The following CFAP20DC variants were observed in gnomAD, a reference collection of about 807,000 sequenced individuals.
CFAP20DC encodes the protein protein CFAP20DC.
A neutral mutation model predicts 101.7 loss-of-function variants in CFAP20DC; 84 were observed. The observed-to-expected ratio is 0.83, with a 90% CI of 0.69 to 0.99. The LOEUF (loss-of-function observed/expected upper bound fraction) is 0.99, where lower values mean the gene tolerates loss of function less well. Among genes scored for constraint, CFAP20DC ranks in the 50% least tolerant of loss-of-function variants. The probability of loss-of-function intolerance (pLI) is 0.00; values close to 1 mark genes in which losing one functional copy is unlikely to be tolerated. For synonymous variants in CFAP20DC, 359 were observed against 351.2 expected (o/e 1.02, Z -0.25); for missense variants, 1,007 against 970.3 (o/e 1.04, Z -0.50).
chr3:58,941,345 A>AAG (rs1553735872), intron 4 of CFAP20DC, among the ~76,000 whole-genome samples: 2 of 148,894 alleles, frequency 1.3e-5, no homozygotes, highest in African/African-American at 5.0e-5. Context: ...AAAAAAAAAA[A>AAG]AAAAAAAAAA....
intron 4 of CFAP20DC, among the ~76,000 whole-genome samples, chr3:58,946,979 G>C (rs529959847): frequency 6.6e-6 from 1 of 152,294 alleles, no homozygotes; most frequent in Non-Finnish European, 1.5e-5. Flanking sequence ...AATGTAGTGA[G>C]AGGCTCAGAG....
chr3:58,981,459 C>T (rs1373033999), intron 4 of CFAP20DC, among the ~76,000 whole-genome samples: 8 of 152,174 alleles, frequency 5.3e-5, no homozygotes, highest in African/African-American at 9.7e-5. Flanking sequence ...TCAAACTATA[C>T]TACAAGGCTA....
chr3:58,938,867 T>G (rs2107798996), intron 4 of CFAP20DC, among the ~76,000 whole-genome samples: 1 of 152,334 alleles, frequency 6.6e-6, no homozygotes, highest in East Asian at 1.9e-4. Context: ...AATTCCACCC[T>G]ACTTGCACTA....
intron 8 of CFAP20DC, 42 bp downstream of exon 8, chr3:58,870,131 G>A (rs752267864): frequency 6.8e-6 from 9 of 1,324,906 alleles, no homozygotes; most frequent in Non-Finnish European, 7.2e-6. Context: ...TCCCTTACCA[G>A]GTCACTTGTG....
intron 4 of CFAP20DC, among the ~76,000 whole-genome samples, chr3:59,034,931 C>T (rs1252790300): frequency 6.6e-6 from 1 of 152,114 alleles, no homozygotes; most frequent in Non-Finnish European, 1.5e-5. Flanking sequence ...TAATATCAAC[C>T]ACATAATAGG....
At chr3:58,905,046 C>T (rs2083465669) in intron 6 of CFAP20DC, among the ~76,000 whole-genome samples, 1 of 152,170 alleles carries the variant, frequency 6.6e-6, no homozygotes, top group Non-Finnish European at 1.5e-5. Flanking sequence ...TCTATGCCTT[C>T]CAGGGCCTCT....
At chr3:58,918,616 T>C (rs1012962548) in intron 5 of CFAP20DC, among the ~76,000 whole-genome samples, 9 of 152,002 alleles carry the variant, frequency 5.9e-5, no homozygotes, top group Admixed American at 3.3e-4. Context: ...ATTTTAATTA[T>C]CAAGTCACAC....
At chr3:58,771,965 C>A (rs963530505) in intron 15 of CFAP20DC, among the ~76,000 whole-genome samples, 1 of 152,098 alleles carries the variant, frequency 6.6e-6, no homozygotes, top group African/African-American at 2.4e-5. Flanking sequence ...AAAATATTAA[C>A]ATCAAGTAAA....
chr3:58,809,059 A>G (rs1021358591), intron 14 of CFAP20DC, among the ~76,000 whole-genome samples: 1 of 152,126 alleles, frequency 6.6e-6, no homozygotes, highest in African/African-American at 2.4e-5. Context: ...ACCCAGATTC[A>G]TAAAGCAAGT....
chr3:58,792,799 T>C, intron 15 of CFAP20DC, among the ~76,000 whole-genome samples: 1 of 151,992 alleles, frequency 6.6e-6, no homozygotes, highest in South Asian at 2.1e-4. Flanking sequence ...GTGGCATCTT[T>C]GAAGCATTTC....
intron 14 of CFAP20DC, among the ~76,000 whole-genome samples, chr3:58,817,828 C>A (rs1188933687): frequency 6.6e-6 from 1 of 151,968 alleles, no homozygotes; most frequent in Admixed American, 6.5e-5. Context: ...AACTTCAAGA[C>A]ACATAATTGT....
intron 5 of CFAP20DC, among the ~76,000 whole-genome samples, chr3:58,921,611 T>C (rs755498202): frequency 6.6e-6 from 1 of 152,220 alleles, no homozygotes; most frequent in Non-Finnish European, 1.5e-5. Context: ...CTATGTATGA[T>C]TTCAATCTTT....
At chr3:58,924,480 T>G (rs1286604317) in intron 5 of CFAP20DC, among the ~76,000 whole-genome samples, 1 of 152,190 alleles carries the variant, frequency 6.6e-6, no homozygotes, top group African/African-American at 2.4e-5. Context: ...CATCTGATGA[T>G]GGACACTTAG....
chr3:59,021,357 T>C (rs1376934546), intron 4 of CFAP20DC, among the ~76,000 whole-genome samples: 1 of 151,998 alleles, frequency 6.6e-6, no homozygotes, highest in Non-Finnish European at 1.5e-5. Context: ...CATTTACCCA[T>C]GAATGCCAGT....
intron 15 of CFAP20DC, among the ~76,000 whole-genome samples, chr3:58,760,963 C>T (rs1436797804): frequency 6.6e-6 from 1 of 152,098 alleles, no homozygotes; most frequent in African/African-American, 2.4e-5. Flanking sequence ...ATTTTTGCAT[C>T]GATGTTCATC....
intron 6 of CFAP20DC, among the ~76,000 whole-genome samples, chr3:58,893,879 A>G (rs1447577493): frequency 1.3e-5 from 2 of 152,102 alleles, no homozygotes; most frequent in Non-Finnish European, 2.9e-5. Flanking sequence ...AAGAGGTTTA[A>G]TGGAGAACTC....
At chr3:59,047,948 A>G (rs766268761) in intron 1 of CFAP20DC, among the ~76,000 whole-genome samples, 19 of 152,348 alleles carry the variant, frequency 1.2e-4, no homozygotes, top group Non-Finnish European at 2.6e-4. Context: ...CATTCCTACA[A>G]GATATTTTTA....
chr3:58,922,098 C>G (rs1191209641), intron 5 of CFAP20DC, among the ~76,000 whole-genome samples: 1 of 152,112 alleles, frequency 6.6e-6, no homozygotes, highest in African/African-American at 2.4e-5. Context: ...ATTTAATGTG[C>G]ACTTTTTATA....
In CFAP20DC at chr3:58,747,832, A is replaced by C. The variant is rs866847073; in HGVS notation, c.2333-5260T>G. Among the ~76,000 whole-genome samples, 36 of 152,314 alleles carry C rather than the reference A, an allele frequency of 2.4e-4. No homozygotes were observed. The Middle Eastern group carries it at 0.01, about 43-fold the overall frequency. ...TGAGAAAGTCCACTGTGAACTGCTG[A>C]ATTTCAGTTCTCAGCAAACATGTAC... On this transcript the variant is annotated intron_variant, in intron 16 of 16. Transcript: ENST00000482387.
Sources: allele counts gnomAD v4.1 joint callset (sites outside exome capture counted in the v4.1 genomes callset), GRCh38; gene constraint gnomAD v4.1.1; transcripts MANE v1.5; gene names NCBI Gene and HGNC (gene_info 2026-07-23, HGNC 2026-07-21).